ANAPC1: variants seen among roughly 807,000 people sequenced by gnomAD.
ANAPC1 encodes anaphase promoting complex subunit 1.
A neutral mutation model predicts 208.0 loss-of-function variants in ANAPC1; 36 were observed. That is an observed-to-expected ratio of 0.17 (90% CI 0.13 to 0.23). The LOEUF (loss-of-function observed/expected upper bound fraction) is 0.23. Ranked by LOEUF, ANAPC1 falls within the 10% of genes least tolerant of loss-of-function variation. The probability of loss-of-function intolerance (pLI) is 1.00; values close to 1 mark genes in which losing one functional copy is unlikely to be tolerated. For synonymous variants in ANAPC1, 378 were observed against 695.2 expected (o/e 0.54, Z 7.18); for missense variants, 942 against 2,011.6 (o/e 0.47, Z 10.17).
intron 6 of ANAPC1, among the ~76,000 whole-genome samples, chr2:111,872,009 C>T (rs1385635897): frequency 1.3e-5 from 2 of 152,142 alleles, no homozygotes; most frequent in African/African-American, 4.8e-5. Flanking sequence ...ATTGCTCTGG[C>T]CAGAACTTCC....
intron 10 of ANAPC1, among the ~76,000 whole-genome samples, chr2:111,859,458 C>T (rs917821264): frequency 3.3e-5 from 5 of 151,114 alleles, no homozygotes; most frequent in African/African-American, 7.4e-5. Context: ...GCAACAAGAG[C>T]GAAACTCTAT....
intron 14 of ANAPC1, among the ~76,000 whole-genome samples, chr2:111,850,119 A>C (rs561025768): frequency 2.8e-4 from 42 of 152,176 alleles, no homozygotes; most frequent in African/African-American, 1.0e-3. Flanking sequence ...AAATGCTCAA[A>C]AAAGGTTATT....
At chr2:111,872,044 G>C (rs775045152) in intron 6 of ANAPC1, among the ~76,000 whole-genome samples, 1 of 152,176 alleles carries the variant, frequency 6.6e-6, no homozygotes, top group Non-Finnish European at 1.5e-5. Context: ...TAGAAATAGT[G>C]AAAGTAGGCA....
chr2:111,838,670 T>C (rs1478413817), intron 17 of ANAPC1, among the ~76,000 whole-genome samples, 158 bp from the exon 18 acceptor site: 12 of 152,246 alleles, frequency 7.9e-5, no homozygotes, highest in Admixed American at 2.0e-4. Context: ...TTAAATATCT[T>C]TCTTCCAGGT....
At chr2:111,808,906 G>A in intron 29 of ANAPC1, 41 bp downstream of exon 29, 1 of 1,267,720 alleles carries the variant, frequency 7.9e-7, no homozygotes, top group Admixed American at 1.7e-5. Flanking sequence ...GTGGAGTGGA[G>A]AGTACATGCC....
intron 13 of ANAPC1, among the ~76,000 whole-genome samples, 189 bp from the exon 14 acceptor site, chr2:111,851,099 T>C (rs1681369904): frequency 6.6e-6 from 1 of 151,770 alleles, no homozygotes; most frequent in Non-Finnish European, 1.5e-5. Context: ...GCAAATATGT[T>C]GGTATAATTT....
rs1306992091 is a variant in ANAPC1 at position 111,854,478 on chromosome 2, T to C, written c.1515+2136A>G. 8.5e-5 allele frequency among the ~76,000 whole-genome samples: 13 copies of C among 152,308 alleles called. No individual in the cohort carries two copies. The East Asian group carries it at 1.9e-3, about 23-fold the overall frequency. On this transcript the variant is annotated intron_variant, in intron 13 of 47. Transcript: ENST00000341068. ...CCTAACAAGAGAGTCAGACTGTCCT[T>C]TGAAGCCAGGCACTGACTTCTCCTC...
At chr2:111,846,046 C>T (rs1374120261) in intron 16 of ANAPC1, among the ~76,000 whole-genome samples, 2 of 151,068 alleles carry the variant, frequency 1.3e-5, no homozygotes, top group Non-Finnish European at 2.9e-5. Context: ...ATACCATTTA[C>T]CAGCAGTGAA....
chr2:111,869,482 T>G (rs1275578450), intron 6 of ANAPC1, among the ~76,000 whole-genome samples: 1 of 152,194 alleles, frequency 6.6e-6, no homozygotes, highest in African/African-American at 2.4e-5. Context: ...TGACCTCAGG[T>G]GATCCACTCG....
At chr2:111,805,419 G>T (rs1404469767) in intron 30 of ANAPC1, among the ~76,000 whole-genome samples, 3 of 75,916 alleles carry the variant, frequency 4.0e-5, no homozygotes, top group African/African-American at 5.5e-5. Flanking sequence ...GCAAAAGGGG[G>T]TTAGGGTTTG....
At chr2:111,842,492 A>G (rs1443636553) in intron 17 of ANAPC1, among the ~76,000 whole-genome samples, 1 of 152,008 alleles carries the variant, frequency 6.6e-6, no homozygotes. Context: ...AAATACAAAA[A>G]ATCAGCCAGG....
intron 34 of ANAPC1, among the ~76,000 whole-genome samples, chr2:111,799,122 T>C (rs1678311677): frequency 1.3e-5 from 2 of 152,000 alleles, no homozygotes; most frequent in Admixed American, 6.6e-5. Context: ...TACAAATTTT[T>C]TTAAAAAATA....
intron 11 of ANAPC1, 119 bp from the exon 12 acceptor site, chr2:111,857,005 A>G: frequency 1.5e-6 from 1 of 672,928 alleles, no homozygotes; most frequent in Non-Finnish European, 2.5e-6. Context: ...GAGCCCATTT[A>G]TATAACATTC....
intron 7 of ANAPC1, 21 bp from the exon 8 acceptor site, chr2:111,864,972 A>G (rs750754945): frequency 3.2e-5 from 52 of 1,602,012 alleles, no homozygotes; most frequent in Non-Finnish European, 3.9e-5. Flanking sequence ...AAATAGAAAA[A>G]TCAGGTATAG....
chr2:111,785,590 A>G, intron 39 of ANAPC1, 113 bp from the exon 40 acceptor site: 1 of 553,748 alleles, frequency 1.8e-6, no homozygotes, highest in South Asian at 2.5e-5. Context: ...AATATCTTCA[A>G]ATGAACAGAA....
intron 20 of ANAPC1, among the ~76,000 whole-genome samples, chr2:111,831,992 T>C (rs921063432): frequency 6.8e-6 from 1 of 146,892 alleles, no homozygotes; most frequent in Non-Finnish European, 1.5e-5. Context: ...TCCCAAGGCA[T>C]ACAAAGAATC....
intron 39 of ANAPC1, among the ~76,000 whole-genome samples, chr2:111,787,659 T>C (rs992194199): frequency 3.3e-5 from 5 of 152,204 alleles, no homozygotes; most frequent in African/African-American, 1.2e-4. Context: ...AACTTAAGTG[T>C]TGGTGGTTCC....
intron 28 of ANAPC1, among the ~76,000 whole-genome samples, chr2:111,815,142 CAAGGAAAAA>C (rs1573379894): frequency 9.8e-5 from 11 of 111,894 alleles, no homozygotes; most frequent in East Asian, 2.6e-4. Flanking sequence ...CTGCCTTACT[CAAGGAAAAA>C]AAAAAAAAAA....
rs1351478303 is a variant in ANAPC1, at chr2:111,883,928, T to G, written c.-25+14A>C. Reference sequence around the variant, plus strand: ...CGCGACAGACCACCAAGTGCTGCGGTACGGCGCCCGCACCTGTATAACTCG... The same window carrying G: ...CGCGACAGACCACCAAGTGCTGCGGGACGGCGCCCGCACCTGTATAACTCG... On this transcript the variant is annotated intron_variant, in intron 1 of 47. Coordinates refer to ENST00000341068, the MANE Select transcript of ANAPC1 (RefSeq NM_022662.4). 2.0e-5 allele frequency: 3 copies of G among 152,188 alleles called. No individual in the cohort carries two copies. Among genetic ancestry groups the G allele is most frequent in the African/African-American group, 4.8e-5 (2 of 41,432 alleles). The allele number at this position is 152,188 out of a possible 1,614,324, so 9.4% of individuals were successfully genotyped here.
Sources: allele counts gnomAD v4.1 joint callset (sites outside exome capture counted in the v4.1 genomes callset), GRCh38; gene constraint gnomAD v4.1.1; transcripts MANE v1.5; gene names NCBI Gene and HGNC (gene_info 2026-07-23, HGNC 2026-07-21).